The following A2ML1 variants were observed in gnomAD, a reference collection of about 807,000 sequenced individuals.
A2ML1 encodes the protein alpha-2-macroglobulin-like protein 1.
A2ML1 carries 161 observed loss-of-function variants against 181.9 expected under a neutral mutation model. The observed-to-expected ratio is 0.89, with a 90% confidence interval of 0.78 to 1.01. A2ML1 has a LOEUF of 1.01. Among genes scored for constraint, A2ML1 ranks in the 50% least tolerant of loss-of-function variants. The pLI is 0.00. For missense variants in A2ML1, 1,670 were observed against 1,768.1 expected (o/e 0.94, Z 1.00); for synonymous variants, 663 against 666.8 (o/e 0.99, Z 0.09).
At chr12:8,840,954 GGAAGGAAGGAAA>G (rs1943449144) in intron 10 of A2ML1, among the ~76,000 whole-genome samples, 6 of 107,898 alleles carry the variant, frequency 5.6e-5, no homozygotes, top group African/African-American at 1.0e-4. Flanking sequence ...AAAGAAGGAA[GGAAGGAAGGAAA>G]GAAGGAAGGA....
intron 3 of A2ML1, among the ~76,000 whole-genome samples, chr12:8,824,698 TTC>T (rs202118646): frequency 4.0e-5 from 6 of 151,166 alleles, no homozygotes; most frequent in Admixed American, 6.6e-5. Context: ...CATCATTCTG[TTC>T]TCTCTCTCTC....
intron 35 of A2ML1, 21 bp downstream of exon 35, chr12:8,875,033 G>C: frequency 6.2e-7 from 1 of 1,613,458 alleles, no homozygotes; most frequent in Non-Finnish European, 8.5e-7. Context: ...CGGAGAAATG[G>C]GTGGAGTTAT....
At chr12:8,873,303 G>T (rs538719157) in intron 33 of A2ML1, among the ~76,000 whole-genome samples, 2 of 150,456 alleles carry the variant, frequency 1.3e-5, no homozygotes. Flanking sequence ...TCAGTGGCCC[G>T]ATCTTGGCTC....
chr12:8,846,144 G>A lies in A2ML1; in HGVS notation c.1605G>A (p.Val535=), dbSNP rs1475563982. Residue 535 remains valine, a synonymous_variant, in exon 14 of 36, where the codon GTG becomes GTA. Transcript: ENST00000299698. ...TSRLAPDPSL[V]IYAIFPSGGV... ...GACTGGCCCCTGATCCTTCCCTGGT[G>A]ATCTATGCCATTTTTCCCAGTGGAG... 2.5e-6 allele frequency: 4 copies of A among 1,614,138 alleles called. 1 individual carries two copies. The South Asian group carries it at 4.4e-5, about 18-fold the overall frequency.
chr12:8,836,163 T>A (rs925136066), intron 6 of A2ML1, 92 bp from the exon 7 acceptor site: 7 of 999,902 alleles, frequency 7.0e-6, no homozygotes, highest in Non-Finnish European at 1.1e-5. Flanking sequence ...ATCCATTAAT[T>A]TAATTCTCAC....
intron 9 of A2ML1, 121 bp downstream of exon 9, chr12:8,838,571 CTAGTTCA>C: frequency 1.5e-6 from 1 of 646,792 alleles, no homozygotes; most frequent in Non-Finnish European, 2.5e-6. Flanking sequence ...TACCTTGTTC[CTAGTTCA>C]TAGTCAAGGG....
chr12:8,829,333 A>C (rs4883183), intron 3 of A2ML1, among the ~76,000 whole-genome samples: 125,107 of 152,088 alleles, frequency 0.82, 51,658 homozygotes, highest in East Asian at 0.99. Context: ...GCTGACTCAG[A>C]GCATGTGTGA....
At chr12:8,836,193 A>T in intron 6 of A2ML1, 62 bp from the exon 7 acceptor site, 1 of 1,382,384 alleles carries the variant, frequency 7.2e-7, no homozygotes, top group Non-Finnish European at 1.0e-6. Flanking sequence ...CCCTCTGCTC[A>T]CTGCCTGTCT....
At chr12:8,854,858 G>T in intron 22 of A2ML1, 27 bp downstream of exon 22, 1 of 1,612,456 alleles carries the variant, frequency 6.2e-7, no homozygotes, top group Non-Finnish European at 8.5e-7. Context: ...CAGGATTGGT[G>T]GTGAGAATTC....
At chr12:8,830,743 G>C (rs1943084161) in intron 4 of A2ML1, 1 of 152,104 alleles carries the variant, frequency 6.6e-6, no homozygotes, top group Non-Finnish European at 1.5e-5. Context: ...TAAACATAGA[G>C]AAAGCATGAT....
rs200271507 is a variant in A2ML1, at chr12:8,847,610, A to G, written c.1745A>G (p.Gln582Arg). Residue 582 changes from glutamine (Q) to arginine (R), a missense_variant, in exon 15 of 36, where the codon CAG becomes CGG. Physicochemically the swap from Gln to Arg is conservative, Grantham distance 43. Transcript: ENST00000299698. ...LPGAEVELQL[Q>R]AAPGSLCALR... ...GGAGCAGAAGTGGAGCTGCAGCTGCAGGCAGCTCCCGGATCCCTGTGTGCG... is the reference window on the plus strand; with the variant it reads ...GGAGCAGAAGTGGAGCTGCAGCTGCGGGCAGCTCCCGGATCCCTGTGTGCG... 628 of 1,613,620 alleles carry G rather than the reference A, an allele frequency of 3.9e-4. 1 individual carries two copies. The African/African-American group carries it at 7.6e-3, about 19-fold the overall frequency.
intron 33 of A2ML1, among the ~76,000 whole-genome samples, chr12:8,873,775 G>A (rs1211861946): frequency 6.6e-6 from 1 of 152,088 alleles, no homozygotes; most frequent in Non-Finnish European, 1.5e-5. Context: ...CCAGTAAGGG[G>A]CATAGAACTG....
At chr12:8,871,513 A>C (rs932840322) in intron 33 of A2ML1, among the ~76,000 whole-genome samples, 4 of 152,064 alleles carry the variant, frequency 2.6e-5, no homozygotes, top group African/African-American at 9.7e-5. Flanking sequence ...GCGTTTCACC[A>C]TGTTGGCCAG....
chr12:8,886,828 A>G (rs993724978), exon 8 of A2ML1: 2 of 152,072 alleles, frequency 1.3e-5, no homozygotes, highest in African/African-American at 4.8e-5. Flanking sequence ...ATACAGTCAC[A>G]TTGGGGGTTA....
At chr12:8,874,169 C>T (rs1944721244) in intron 33 of A2ML1, among the ~76,000 whole-genome samples, 1 of 152,002 alleles carries the variant, frequency 6.6e-6, no homozygotes, top group Non-Finnish European at 1.5e-5. Context: ...GTGCCAGCCA[C>T]CATGCCCGAC....
intron 33 of A2ML1, among the ~76,000 whole-genome samples, chr12:8,869,698 G>C (rs60484706): frequency 5.9e-5 from 9 of 152,130 alleles, no homozygotes; most frequent in African/African-American, 1.9e-4. Context: ...TGCAACTCTA[G>C]AGTATGTTAT....
rs771893464 is a variant in A2ML1, at chr12:8,823,370, GCA to G, written c.246+8_246+9del. The G allele has an allele frequency of 8.6e-5, 138 of 1,612,212 alleles. No homozygotes were observed. The African/African-American group carries it at 1.5e-3, about 18-fold the overall frequency. On this transcript the variant is annotated splice_donor_region_variant and intron_variant, in intron 2 of 35. Transcript: ENST00000299698. ...TTACATTGTATCTCCTTTCTTGTAA[GCA>G]CAGACTCAGCCCTCACTCGAATCCC...
rs778127345 is a variant in A2ML1, at chr12:8,823,134, G to A, written c.63-48G>A. The A allele has an allele frequency of 1.8e-5, 28 of 1,574,484 alleles. No individual in the cohort carries two copies. In the East Asian group the frequency reaches 5.6e-4, roughly 32 times the overall value. On this transcript the variant is annotated intron_variant, in intron 1 of 35. Transcript: ENST00000299698. ...CGCTTAGGAGAGTGCTGGATTTTTC[G>A]AGTGAATGAATCATTATTGCCCTGA...
At chr12:8,827,855 A>G (rs1050025639) in intron 3 of A2ML1, among the ~76,000 whole-genome samples, 1 of 152,204 alleles carries the variant, frequency 6.6e-6, no homozygotes, top group African/African-American at 2.4e-5. Context: ...TGGCTCTTGA[A>G]GGCTCATAGA....
Sources: allele counts gnomAD v4.1 joint callset (sites outside exome capture counted in the v4.1 genomes callset), GRCh38; gene constraint gnomAD v4.1.1; transcripts MANE v1.5; gene names NCBI Gene and HGNC (gene_info 2026-07-23, HGNC 2026-07-21).